C1RL: variants seen among roughly 807,000 people sequenced by gnomAD.
C1RL encodes complement C1r subcomponent like.
C1RL carries 27 observed loss-of-function variants against 27.9 expected under a neutral mutation model. That is an observed-to-expected ratio of 0.97 (90% CI 0.71 to 1.33). The LOEUF (loss-of-function observed/expected upper bound fraction) is 1.33, where lower values mean the gene tolerates loss of function less well. C1RL is among the 40% of genes most tolerant of loss of function. The pLI is 0.00. For synonymous variants in C1RL, 248 were observed against 252.1 expected (o/e 0.98, Z 0.15); for missense variants, 563 against 623.9 (o/e 0.90, Z 1.04).
chr12:7,098,297 G>T (rs929282105), intron 5 of C1RL: 5 of 152,158 alleles, frequency 3.3e-5, no homozygotes, highest in African/African-American at 1.2e-4. Context: ...CAAAACAAAA[G>T]AAGGCAATGC....
chr12:7,100,064 G>T, intron 3 of C1RL, 38 bp from the exon 4 acceptor site: 1 of 1,576,208 alleles, frequency 6.3e-7, no homozygotes. Flanking sequence ...CTTGCCAACT[G>T]GCAACCCAGG....
chr12:7,102,121 G>A, intron 2 of C1RL, 34 bp from the exon 3 acceptor site: 1 of 1,584,630 alleles, frequency 6.3e-7, no homozygotes, highest in African/African-American at 1.3e-5. Flanking sequence ...GCTGCAGATA[G>A]GTGTGGGGTG....
Position 7,108,438 on chromosome 12 carries a change from G to A in C1RL, c.113C>T (p.Thr38Ile). 1 of 1,611,904 alleles carries A rather than the reference G, an allele frequency of 6.2e-7. No homozygotes were observed. Among genetic ancestry groups the A allele is most frequent in the Non-Finnish European group, 8.5e-7 (1 of 1,178,668 alleles). Residue 38 changes from threonine to isoleucine, a missense_variant, in exon 2 of 6, where the codon ACC becomes ATC. Physicochemically the swap from Thr to Ile is moderately conservative, Grantham distance 89. Coordinates refer to ENST00000266542, the MANE Select transcript of C1RL (RefSeq NM_016546.4). ...LLWGVLQACP[T>I]RGSVLLAQEL... is the part of the protein sequence containing the mutation. ...TTGGGCCAAGAGGACGGAGCCCCGG[G>A]TTGGGCAAGCCTGGAGGACTCCCCA...
Position 7,095,837 on chromosome 12 carries a change from GA to G in C1RL, c.*553del. Reference sequence around the variant, plus strand: ...TGCAAATATGGTATGAGGATTAAGTGAAATAACAGGTGAAGCACCTGGCATA... The same window carrying G: ...TGCAAATATGGTATGAGGATTAAGTGAATAACAGGTGAAGCACCTGGCATA... On this transcript the variant is annotated 3_prime_UTR_variant, in exon 6 of 6. Coordinates refer to ENST00000266542, the MANE Select transcript of C1RL (RefSeq NM_016546.4). The G allele has an allele frequency of 1.2e-6, 1 of 814,680 alleles. No individual in the cohort carries two copies. Among genetic ancestry groups the G allele is most frequent in the Non-Finnish European group, 1.5e-6 (1 of 674,304 alleles). The allele number at this position is 814,680 out of a possible 1,614,324, so 50.5% of individuals were successfully genotyped here.
intron 3 of C1RL, among the ~76,000 whole-genome samples, chr12:7,101,074 TTTCC>T (rs1206233281): frequency 7.1e-6 from 1 of 140,866 alleles, no homozygotes; most frequent in Non-Finnish European, 1.5e-5. Flanking sequence ...CCTTCCTTCC[TTTCC>T]TTCCTTCCTT....
chr12:7,108,442 G>A lies in C1RL; in HGVS notation c.109C>T (p.Pro37Ser), dbSNP rs1294967268. The change falls in exon 2 of 6, where the codon CCA (proline) becomes TCA (serine). Residue 37 changes from proline to serine, a missense_variant. By Grantham distance (74) the Pro-to-Ser change is moderately conservative (BLOSUM62 -1). Coordinates refer to ENST00000266542, the MANE Select transcript of C1RL (RefSeq NM_016546.4). ...LLLWGVLQAC[P>S]TRGSVLLAQE... Reference sequence around the variant, plus strand: ...GCCAAGAGGACGGAGCCCCGGGTTGGGCAAGCCTGGAGGACTCCCCAGAGA... The same window carrying A: ...GCCAAGAGGACGGAGCCCCGGGTTGAGCAAGCCTGGAGGACTCCCCAGAGA... The A allele has an allele frequency of 6.2e-7, 1 of 1,611,082 alleles. No individual in the cohort carries two copies. Among genetic ancestry groups the A allele is most frequent in the African/African-American group, 1.3e-5 (1 of 74,900 alleles).
Position 7,104,275 on chromosome 12 carries a change from C to T in C1RL, c.301-2188G>A, listed in dbSNP as rs1406197033. 6.6e-6 allele frequency among the ~76,000 whole-genome samples: 1 copy of T among 152,214 alleles called. No individual in the cohort carries two copies. Among genetic ancestry groups the T allele is most frequent in the East Asian group, 1.9e-4 (1 of 5,202 alleles). On this transcript the variant is annotated intron_variant, in intron 2 of 5. Transcript: ENST00000266542. The surrounding 1 kb of genome is among the most constrained non-coding windows in gnomAD (Gnocchi z 5.4). ...ACTGCAGAATCCTAGAATCTCTGTG[C>T]ACCCAGGCAACTCCCTCTGGCCCAC...
chr12:7,108,061 C>T (rs745768029), intron 2 of C1RL, 190 bp downstream of exon 2: 2 of 468,164 alleles, frequency 4.3e-6, no homozygotes, highest in Non-Finnish European at 7.5e-6. Context: ...CAGATGGCAG[C>T]CCCGGAGGCG....
At chr12:7,099,808 C>A in intron 4 of C1RL, 48 bp from the exon 5 acceptor site, 1 of 1,611,644 alleles carries the variant, frequency 6.2e-7, no homozygotes, top group Non-Finnish European at 8.5e-7. Flanking sequence ...GGAGTTGAAG[C>A]TGTTGGTTAA....
chr12:7,099,812 T>A, intron 4 of C1RL, 52 bp from the exon 5 acceptor site: 1 of 1,612,092 alleles, frequency 6.2e-7, no homozygotes, highest in Non-Finnish European at 8.5e-7. Flanking sequence ...TTGAAGCTGT[T>A]GGTTAACGAA....
At chr12:7,099,594 A>G (rs1211908476) in intron 5 of C1RL, 92 bp downstream of exon 5, 2 of 1,507,576 alleles carry the variant, frequency 1.3e-6, no homozygotes, top group African/African-American at 2.8e-5. Flanking sequence ...CTTCCTTTCT[A>G]TTCTAAGGCT....
At chr12:7,101,353 C>T (rs897519083) in intron 3 of C1RL, among the ~76,000 whole-genome samples, 3 of 151,470 alleles carry the variant, frequency 2.0e-5, no homozygotes, top group South Asian at 2.1e-4. Flanking sequence ...TGACTGCAGC[C>T]TCAAACTCCC....
Position 7,095,167 on chromosome 12 carries a change from G to T in C1RL, c.*1224C>A. ...AGTCTTGGTCTGTCCGCAGGCTGGA[G>T]TGCAGTGGCGTGATCTTAGCTCACT... On this transcript the variant is annotated 3_prime_UTR_variant, in exon 6 of 6. Coordinates refer to ENST00000266542, the MANE Select transcript of C1RL (RefSeq NM_016546.4). 8.4e-7 allele frequency: 1 copy of T among 1,184,546 alleles called. No homozygotes were observed. Among genetic ancestry groups the T allele is most frequent in the Non-Finnish European group, 1.1e-6 (1 of 922,934 alleles). The allele number at this position is 1,184,546 out of a possible 1,614,324, so 73.4% of individuals were successfully genotyped here. A position where few individuals can be genotyped will look rare whatever the true frequency, so the allele number is the denominator to read the frequency against.
chr12:7,100,160 C>G (rs560962404), intron 3 of C1RL, 134 bp from the exon 4 acceptor site: 202 of 874,224 alleles, frequency 2.3e-4, no homozygotes, highest in Non-Finnish European at 3.3e-4. Context: ...CATTTGAGTT[C>G]GTTTTCACTG....
chr12:7,108,454 G>A lies in C1RL; in HGVS notation c.97C>T (p.Leu33Phe). 6.2e-7 allele frequency: 1 copy of A among 1,607,892 alleles called. No homozygotes were observed. The highest frequency in any genetic ancestry group is 2.2e-5 in the East Asian group (1 of 44,746). ...GAGCCCCGGGTTGGGCAAGCCTGGA[G>A]GACTCCCCAGAGAAGCAGCCACCAC... Reference protein sequence around the residue: ...AMWWLLLWGVLQACPTRGSVL... With the variant: ...AMWWLLLWGVFQACPTRGSVL... Residue 33 changes from leucine (L) to phenylalanine (F), a missense_variant, in exon 2 of 6, where the codon CTC becomes TTC. Leu to Phe is a conservative substitution (Grantham distance 22). Coordinates refer to ENST00000266542, the MANE Select transcript of C1RL (RefSeq NM_016546.4).
chr12:7,105,828 G>A (rs970208758), intron 2 of C1RL, among the ~76,000 whole-genome samples: 2 of 152,150 alleles, frequency 1.3e-5, no homozygotes, highest in African/African-American at 4.8e-5. Context: ...TAATATGTCA[G>A]TGGAAAGAAA....
chr12:7,107,969 A>C, intron 2 of C1RL: 1 of 354,610 alleles, frequency 2.8e-6, no homozygotes, highest in Non-Finnish European at 5.1e-6. Context: ...CCCTGGCTCC[A>C]TAGATTTGCA....
Position 7,096,155 on chromosome 12 carries a change from G to C in C1RL, c.*236C>G. ...GGGCCTAGTGCATGAGCACAGGGAG[G>C]TAGAGGGTGAGGAGGAGCGGTCTGT... On this transcript the variant is annotated 3_prime_UTR_variant, in exon 6 of 6. Coordinates refer to ENST00000266542, the MANE Select transcript of C1RL (RefSeq NM_016546.4). The C allele has an allele frequency of 7.6e-7, 1 of 1,322,836 alleles. No individual in the cohort carries two copies. Among genetic ancestry groups the C allele is most frequent in the Non-Finnish European group, 9.6e-7 (1 of 1,037,654 alleles). 81.9% of individuals were successfully genotyped at this position (1,322,836 alleles called of 1,614,324 possible). A position where few individuals can be genotyped will look rare whatever the true frequency, so the allele number is the denominator to read the frequency against.
At chr12:7,101,843 G>T in intron 3 of C1RL, 55 bp downstream of exon 3, 1 of 1,564,372 alleles carries the variant, frequency 6.4e-7, no homozygotes, top group Non-Finnish European at 8.8e-7. Flanking sequence ...GAAGATACCA[G>T]GGTCATGGCT....
Sources: gnomAD v4.1 joint callset for allele counts (sites outside exome capture counted in the v4.1 genomes callset) on GRCh38, gnomAD v4.1.1 for gene constraint, Gnocchi (gnomAD v3.1) non-coding constraint, MANE v1.5 for transcripts, NCBI Gene and HGNC (gene_info 2026-07-23, HGNC 2026-07-21) for gene names.